Variants in RGL2 observed in about 807,000 individuals in gnomAD.
The protein encoded by RGL2 is ral guanine nucleotide dissociation stimulator-like 2.
Under a neutral mutation model 84.6 loss-of-function variants are expected in RGL2, and 40 were observed. That is an observed-to-expected ratio of 0.47 (90% CI 0.37 to 0.62). The LOEUF (loss-of-function observed/expected upper bound fraction) is 0.62, where lower values mean the gene tolerates loss of function less well. RGL2 is among the 20% of genes least tolerant of loss of function. RGL2 has a pLI of 0.00. For synonymous variants in RGL2, 369 were observed against 417.3 expected (o/e 0.88, Z 1.41); for missense variants, 865 against 1,019.7 (o/e 0.85, Z 2.07).
Position 33,296,252 on chromosome 6 carries a change from G to A in RGL2, c.544C>T (p.Leu182Phe). The A allele has an allele frequency of 1.2e-6, 2 of 1,614,052 alleles. No individual in the cohort carries two copies. The highest frequency in any genetic ancestry group is 1.7e-6 in the Non-Finnish European group (2 of 1,179,906). ...EDFGSEAKGQ[L>F]DRLESFLLQT... is the part of the protein sequence containing the mutation. ...AGTAAGAAGCTCTCAAGCCGGTCAA[G>A]CTGACCCTTGGCCTCAGAGCCAAAA... The change falls in exon 6 of 18, where the codon CTT (leucine) becomes TTT (phenylalanine). Residue 182 changes from leucine to phenylalanine, a missense_variant. Transcript: ENST00000497454. This position sits in a 1 kb window ranked among gnomAD's most constrained non-coding sequence, Gnocchi z 5.0.
chr6:33,301,149 A>G (rs1363411313), upstream of RGL2: 1 of 152,478 alleles, frequency 6.6e-6, no homozygotes, highest in East Asian at 1.9e-4. Context: ...ATTGATAGCT[A>G]TAACCCACAT....
At position 33,295,111 on chromosome 6, in the gene RGL2, C is replaced by G. The variant is rs1286762213; in HGVS notation, c.1209+16G>C. ...GGAACAAGGAGAGGTGGGAATGCCA[C>G]AAACCAGGCTCTCACCTGCACGAGC... On this transcript the variant is annotated intron_variant, in intron 9 of 17. Transcript: ENST00000497454. This position sits in a 1 kb window ranked among gnomAD's most constrained non-coding sequence, Gnocchi z 7.2. 1 of 1,604,456 alleles carries G rather than the reference C, an allele frequency of 6.2e-7. No individual in the cohort carries two copies. Among genetic ancestry groups the G allele is most frequent in the East Asian group, 2.2e-5 (1 of 44,668 alleles).
rs1581726733 is a variant in RGL2 at position 33,298,734 on chromosome 6, C to T, written c.-41-83G>A. The T allele has an allele frequency of 7.1e-6, 4 of 565,756 alleles. No homozygotes were observed. The highest frequency in any genetic ancestry group is 1.2e-5 in the Non-Finnish European group (4 of 342,168). 35.0% of individuals were successfully genotyped at this position (565,756 alleles called of 1,614,324 possible). ...GCAGGGAAGGGACGTGGGTGGGTGT[C>T]AAGAAGACCGGAAGGGAGTTCTGCA... On this transcript the variant is annotated intron_variant, in intron 1 of 17. Coordinates refer to ENST00000497454, the MANE Select transcript of RGL2 (RefSeq NM_004761.5). The surrounding 1 kb of genome is among the most constrained non-coding windows in gnomAD (Gnocchi z 4.8).
chr6:33,292,657 G>T, intron 16 of RGL2, 113 bp from the exon 17 acceptor site: 1 of 926,950 alleles, frequency 1.1e-6, no homozygotes, highest in East Asian at 2.4e-5. Flanking sequence ...GCTTTAAAAT[G>T]AACAGGAAAA....
rs766626485 is a variant in RGL2, at chr6:33,295,480, C to T, written c.1020+28G>A. 1.4e-5 allele frequency: 23 copies of T among 1,613,414 alleles called. No homozygotes were observed. The East Asian group carries it at 5.1e-4, about 36-fold the overall frequency. ...GGGAGGCCTCTCCATTCCATGGCCACAAACCGTAGGGCAATCTTCTCTCTC... is the reference window on the plus strand; with the variant it reads ...GGGAGGCCTCTCCATTCCATGGCCATAAACCGTAGGGCAATCTTCTCTCTC... On this transcript the variant is annotated intron_variant, in intron 7 of 17. Coordinates refer to ENST00000497454, the MANE Select transcript of RGL2 (RefSeq NM_004761.5). This position sits in a 1 kb window ranked among gnomAD's most constrained non-coding sequence, Gnocchi z 7.2.
chr6:33,296,138 G>A lies in RGL2; in HGVS notation c.658C>T (p.Pro220Ser). The change falls in exon 6 of 18, where the codon CCC (proline) becomes TCC (serine). Residue 220 changes from proline to serine, a missense_variant. By Grantham distance (74) the Pro-to-Ser change is moderately conservative. Around this residue, in one of 5 missense-constraint regions of RGL2, gnomAD observed 455 missense variants for 507.8 expected, o/e 0.90. Coordinates refer to ENST00000497454, the MANE Select transcript of RGL2 (RefSeq NM_004761.5). The surrounding 1 kb of genome is among the most constrained non-coding windows in gnomAD (Gnocchi z 5.0). ...AGGGCCAGGGGCTTAGGAAGGTCGG[G>A]GGCCTGGGGGTCCACCCGGGACCGG... ...NLRSRVDPQA[P>S]DLPKPLALPG... 1 of 1,613,974 alleles carries A rather than the reference G, an allele frequency of 6.2e-7. No individual in the cohort carries two copies.
Position 33,293,777 on chromosome 6 carries a change from A to T in RGL2, c.1508+18T>A. ...ACCTGGCCAGAACCCTGGAGTCCCAACCTCACCCGCCAGTCACCTCTGAGC... is the reference window on the plus strand; with the variant it reads ...ACCTGGCCAGAACCCTGGAGTCCCATCCTCACCCGCCAGTCACCTCTGAGC... On this transcript the variant is annotated intron_variant, in intron 13 of 17. Coordinates refer to ENST00000497454, the MANE Select transcript of RGL2 (RefSeq NM_004761.5). The surrounding 1 kb of genome is among the most constrained non-coding windows in gnomAD (Gnocchi z 7.0). The T allele has an allele frequency of 6.2e-7, 1 of 1,613,290 alleles. No homozygotes were observed. Among genetic ancestry groups the T allele is most frequent in the Non-Finnish European group, 8.5e-7 (1 of 1,179,672 alleles).
At position 33,295,967 on chromosome 6, in the gene RGL2, G is replaced by A; in HGVS notation, c.768+61C>T. The A allele has an allele frequency of 6.3e-7, 1 of 1,583,328 alleles. No homozygotes were observed. On this transcript the variant is annotated intron_variant, in intron 6 of 17. Coordinates refer to ENST00000497454, the MANE Select transcript of RGL2 (RefSeq NM_004761.5). This position sits in a 1 kb window ranked among gnomAD's most constrained non-coding sequence, Gnocchi z 7.2. ...AGGGGTGGAAGCAAGGAAAGGATCTGGAGTCAAGGAGAGGTTAGTAAGGGG... is the reference window on the plus strand; with the variant it reads ...AGGGGTGGAAGCAAGGAAAGGATCTAGAGTCAAGGAGAGGTTAGTAAGGGG...
chr6:33,296,308 A>G lies in RGL2; in HGVS notation c.488T>C (p.Leu163Pro). 1 of 1,612,412 alleles carries G rather than the reference A, an allele frequency of 6.2e-7. No individual in the cohort carries two copies. Among genetic ancestry groups the G allele is most frequent in the South Asian group, 1.1e-5 (1 of 90,890 alleles). ...ERTTEVAISV[L>P]STWLASHPED... is the part of the protein sequence containing the mutation. ...AGGGTGAGAGGCCAGCCAGGTTGAC[A>G]GTACAGAGATGGCTACCCTGGGAGA... Residue 163 changes from leucine (L) to proline (P), a missense_variant, in exon 6 of 18, where the codon CTG becomes CCG. This residue lies in a region of RGL2 where 455 missense variants were observed against 507.8 expected (regional missense o/e 0.90). Coordinates refer to ENST00000497454, the MANE Select transcript of RGL2 (RefSeq NM_004761.5). This position sits in a 1 kb window ranked among gnomAD's most constrained non-coding sequence, Gnocchi z 5.0.
At chr6:33,298,974 C>G (rs942091590), upstream of RGL2, 6 of 184,520 alleles carry the variant, frequency 3.3e-5, no homozygotes, top group African/African-American at 1.4e-4. The surrounding 1 kb of genome is among the most constrained non-coding windows in gnomAD (Gnocchi z 4.8). Flanking sequence ...CCCCTTGAAC[C>G]CCCCCGCCGG....
rs778382388 is a variant in RGL2 at position 33,293,753 on chromosome 6, C to A, written c.1508+42G>T. On this transcript the variant is annotated intron_variant, in intron 13 of 17. Coordinates refer to ENST00000497454, the MANE Select transcript of RGL2 (RefSeq NM_004761.5). This position sits in a 1 kb window ranked among gnomAD's most constrained non-coding sequence, Gnocchi z 7.0. ...CAGGACATGACACCAATCCCCCACA[C>A]CTGGCCAGAACCCTGGAGTCCCAAC... The A allele has an allele frequency of 6.2e-7, 1 of 1,613,264 alleles. No individual in the cohort carries two copies. The highest frequency in any genetic ancestry group is 1.3e-5 in the African/African-American group (1 of 74,920).
At chr6:33,292,361 C>A (rs376466191) in intron 17 of RGL2, 48 bp from the exon 18 acceptor site, 4 of 1,609,280 alleles carry the variant, frequency 2.5e-6, no homozygotes, top group Middle Eastern at 1.7e-4. Context: ...GTTGTTCCCC[C>A]CACAGCCGCC....
chr6:33,295,324 T>A lies in RGL2; in HGVS notation c.1119A>T (p.Ala373=), dbSNP rs1484241890. ...CAATGCCTCAGCCTCCGCACCTGGT[T>A]GCTTCCCCCCAGGCTGCCCGAAGCC... The part of the protein sequence containing the change: ...IHRLRAAWGE[A]TRDSLRVFSS... Residue 373 remains alanine, a synonymous_variant, in exon 8 of 18, where the codon GCA becomes GCT. Coordinates refer to ENST00000497454, the MANE Select transcript of RGL2 (RefSeq NM_004761.5). The surrounding 1 kb of genome is among the most constrained non-coding windows in gnomAD (Gnocchi z 7.2). 2.5e-6 allele frequency: 4 copies of A among 1,574,798 alleles called. No homozygotes were observed. The highest frequency in any genetic ancestry group is 3.4e-6 in the Non-Finnish European group (4 of 1,160,252).
At position 33,298,275 on chromosome 6, in the gene RGL2, C is replaced by T. The variant is rs796084334; in HGVS notation, c.156+180G>A. The stretch of plus-strand genomic sequence containing the variant: ...AGGTTCCTGCGGGCAGGTCCTGAGT[C>T]ACACTGACAGAGAACCACGGAGACG... On this transcript the variant is annotated intron_variant, in intron 2 of 17. Coordinates refer to ENST00000497454, the MANE Select transcript of RGL2 (RefSeq NM_004761.5). This position sits in a 1 kb window ranked among gnomAD's most constrained non-coding sequence, Gnocchi z 4.8. 9.5e-5 allele frequency: 52 copies of T among 546,910 alleles called. No individual in the cohort carries two copies. The highest frequency in any genetic ancestry group is 9.0e-4 in the African/African-American group (45 of 49,788). 33.9% of individuals were successfully genotyped at this position (546,910 alleles called of 1,614,324 possible). A position where few individuals can be genotyped will look rare whatever the true frequency, so the allele number is the denominator to read the frequency against.
Position 33,295,340 on chromosome 6 carries a change from G to T in RGL2, c.1103C>A (p.Ala368Glu). The change falls in exon 8 of 18, where the codon GCA (alanine) becomes GAA (glutamate). Residue 368 changes from alanine (A) to glutamate (E), a missense_variant. Coordinates refer to ENST00000497454, the MANE Select transcript of RGL2 (RefSeq NM_004761.5). This position sits in a 1 kb window ranked among gnomAD's most constrained non-coding sequence, Gnocchi z 7.2. ...LQSSPIHRLR[A>E]AWGEATRDSL... is the part of the protein sequence containing the mutation. ...GCACCTGGTTGCTTCCCCCCAGGCT[G>T]CCCGAAGCCTGTGGATGGGGCTGGA... The T allele has an allele frequency of 6.3e-7, 1 of 1,587,924 alleles. No individual in the cohort carries two copies. The highest frequency in any genetic ancestry group is 8.6e-7 in the Non-Finnish European group (1 of 1,167,592).
chr6:33,295,056 CAAAAT>C lies in RGL2; in HGVS notation c.1210-16_1210-12del. 6 of 1,581,320 alleles carry C rather than the reference CAAAAT, an allele frequency of 3.8e-6. No homozygotes were observed. The highest frequency in any genetic ancestry group is 5.2e-6 in the Non-Finnish European group (6 of 1,162,496). On this transcript the variant is annotated splice_polypyrimidine_tract_variant and intron_variant, in intron 9 of 17. Coordinates refer to ENST00000497454, the MANE Select transcript of RGL2 (RefSeq NM_004761.5). The surrounding 1 kb of genome is among the most constrained non-coding windows in gnomAD (Gnocchi z 7.2). ...CTGCAGCTTCACCTCCTGGTGGTGA[CAAAAT>C]AAAAGAGACATGGGGGAGCAGTAGG...
rs17221639 is a variant in RGL2 at position 33,293,615 on chromosome 6, C to T, written c.1593G>A (p.Ser531=). 216 of 1,614,072 alleles carry T rather than the reference C, an allele frequency of 1.3e-4. No individual in the cohort carries two copies. The African/African-American group carries it at 2.6e-3, about 19-fold the overall frequency. ...AGTGAATCTCTCACTCTGTCCACTG[C>T]GAGATGACCAATGTTGGCCGAAGCA... ...PRVLRPTLVI[S]QWTEVLGSVG... is the part of the protein sequence containing the mutation. Residue 531 remains serine (S), a synonymous_variant, in exon 14 of 18, where the codon TCG becomes TCA. Transcript: ENST00000497454. This position sits in a 1 kb window ranked among gnomAD's most constrained non-coding sequence, Gnocchi z 7.0.
In RGL2 at chr6:33,296,167, T is replaced by C. The variant is rs115737063; in HGVS notation, c.629A>G (p.Asn210Ser). ...VGGGSADLIR[N>S]LRSRVDPQAP... ...CTGGGGGTCCACCCGGGACCGGAGA[T>C]TGCGGATGAGGTCAGCGCTGCCCCC... Residue 210 changes from asparagine to serine, a missense_variant, in exon 6 of 18, where the codon AAT becomes AGT. Asn to Ser is a conservative substitution (Grantham distance 46). This residue lies in a region of RGL2 where 455 missense variants were observed against 507.8 expected (regional missense o/e 0.90). Coordinates refer to ENST00000497454, the MANE Select transcript of RGL2 (RefSeq NM_004761.5). The surrounding 1 kb of genome is among the most constrained non-coding windows in gnomAD (Gnocchi z 5.0). The C allele has an allele frequency of 2.8e-4, 449 of 1,613,856 alleles. 7 individuals carry two copies. The East Asian group carries it at 9.1e-3, about 33-fold the overall frequency.
chr6:33,293,313 A>G lies in RGL2; in HGVS notation c.1717-7T>C. The G allele has an allele frequency of 1.3e-6, 2 of 1,557,670 alleles. No individual in the cohort carries two copies. The highest frequency in any genetic ancestry group is 1.2e-5 in the South Asian group (1 of 81,070). On this transcript the variant is annotated splice_polypyrimidine_tract_variant and splice_region_variant and intron_variant, in intron 15 of 17. Transcript: ENST00000497454. This position sits in a 1 kb window ranked among gnomAD's most constrained non-coding sequence, Gnocchi z 7.0. ...CAGATGGCCACTTCATGTGCTAGGAACAAACAACATGGGACTGGCATGAAG... is the reference window on the plus strand; with the variant it reads ...CAGATGGCCACTTCATGTGCTAGGAGCAAACAACATGGGACTGGCATGAAG...
Sources: gnomAD v4.1 joint callset for allele counts on GRCh38, gnomAD v4.1.1 for gene constraint, gnomAD v4.1.1 regional missense constraint, Gnocchi (gnomAD v3.1) non-coding constraint, MANE v1.5 for transcripts, NCBI Gene and HGNC (gene_info 2026-07-23, HGNC 2026-07-21) for gene names.